Variants in NECAP2 observed in about 807,000 individuals in gnomAD.
NECAP2 encodes adaptin ear-binding coat-associated protein 2.
A neutral mutation model predicts 37.8 loss-of-function variants in NECAP2; 38 were observed. The ratio of observed to expected loss-of-function variants is 1.01; its 90% CI spans 0.78 to 1.32. The LOEUF is 1.32. Ranked by LOEUF, NECAP2 falls within the 40% of genes most tolerant of loss-of-function variation. The pLI, the probability that NECAP2 is intolerant of heterozygous loss-of-function variation, is 0.00. For missense variants in NECAP2, 316 were observed against 334.5 expected (o/e 0.94, Z 0.43); for synonymous variants, 121 against 127.7 (o/e 0.95, Z 0.35).
intron 6 of NECAP2, among the ~76,000 whole-genome samples, chr1:16,455,211 G>A (rs1246788132): frequency 6.6e-6 from 1 of 152,214 alleles, no homozygotes; most frequent in Non-Finnish European, 1.5e-5. Flanking sequence ...GGAGGTGCCT[G>A]AAAAGCACAA....
intron 2 of NECAP2, 92 bp downstream of exon 2, chr1:16,443,824 C>T (rs139135145): frequency 1.1e-6 from 1 of 925,130 alleles, no homozygotes; most frequent in Non-Finnish European, 1.7e-6. Flanking sequence ...GCTCAGGGGT[C>T]ATGGGAACCT....
chr1:16,450,344 T>G, intron 5 of NECAP2: 1 of 331,108 alleles, frequency 3.0e-6, no homozygotes, highest in East Asian at 8.4e-5. Flanking sequence ...CTTTCCTCCA[T>G]GAGATGAGGA....
chr1:16,450,743 T>C (rs1272930715), intron 5 of NECAP2: 3 of 151,642 alleles, frequency 2.0e-5, no homozygotes, highest in African/African-American at 7.3e-5. Context: ...AGGTCGGGAG[T>C]CCGAGACCAG....
In NECAP2 at chr1:16,451,988, G is replaced by T; in HGVS notation, c.640G>T (p.Val214Phe). The T allele has an allele frequency of 6.2e-7, 1 of 1,602,856 alleles. No homozygotes were observed. Among genetic ancestry groups the T allele is most frequent in the Non-Finnish European group, 8.5e-7 (1 of 1,174,200 alleles). ...GEQLAVGGSL[V>F]QPAVAPSSGG... is the part of the protein sequence containing the mutation. ...GCAGTTGGCTGTGGGGGGATCCCTC[G>T]TCCAGCCAGCAGTTGCTCCCAGTTC... is the stretch of plus-strand genomic sequence containing the variant. The change falls in exon 6 of 8, where the codon GTC becomes TTC. Residue 214 changes from valine (V) to phenylalanine (F), a missense_variant. Physicochemically the swap from Val to Phe is conservative, Grantham distance 50. Transcript: ENST00000337132.
chr1:16,441,760 C>G (rs932786235), intron 1 of NECAP2: 1 of 152,140 alleles, frequency 6.6e-6, no homozygotes, highest in Non-Finnish European at 1.5e-5. Flanking sequence ...AATGATGGAA[C>G]GTCCACATTT....
At chr1:16,444,317 C>T (rs2086730705) in intron 2 of NECAP2, among the ~76,000 whole-genome samples, 3 of 152,196 alleles carry the variant, frequency 2.0e-5, no homozygotes, top group Admixed American at 2.0e-4. Context: ...ACCTGGAATC[C>T]CCCAGCCGAG....
Position 16,454,247 on chromosome 1 carries a change from C to T in NECAP2, c.668-1571C>T, listed in dbSNP as rs537412295. Among the ~76,000 whole-genome samples the T allele has an allele frequency of 6.7e-5, 10 of 150,110 alleles. No homozygotes were observed. In the East Asian group the frequency reaches 9.9e-4, roughly 15 times the overall value. ...GCTAATTTTGTATTTTTAGTGGAGA[C>T]GGGGTTTCTCCATGTTGGTCAGGCT... On this transcript the variant is annotated intron_variant, in intron 6 of 7. Coordinates refer to ENST00000337132, the MANE Select transcript of NECAP2 (RefSeq NM_018090.5).
chr1:16,445,132 C>CT (rs898356820), intron 2 of NECAP2, among the ~76,000 whole-genome samples: 7 of 152,188 alleles, frequency 4.6e-5, no homozygotes, highest in Non-Finnish European at 7.3e-5. Flanking sequence ...CCAGCTGTGA[C>CT]TTTAACATGA....
At position 16,443,625 on chromosome 1, in the gene NECAP2, C is replaced by T. The variant is rs951848961; in HGVS notation, c.93-7C>T. 1.1e-5 allele frequency: 17 copies of T among 1,606,060 alleles called. No homozygotes were observed. The highest frequency in any genetic ancestry group is 2.7e-5 in the African/African-American group (2 of 74,864). On this transcript the variant is annotated splice_polypyrimidine_tract_variant and splice_region_variant and intron_variant, in intron 1 of 7. Transcript: ENST00000337132. ...TGGCAGAGATTCAGTGGTGTTTGTC[C>T]CCTTAGGGCTGCGGAGTGGCAGCTG...
At chr1:16,446,716 G>A (rs918186293) in intron 2 of NECAP2, among the ~76,000 whole-genome samples, 1 of 151,872 alleles carries the variant, frequency 6.6e-6, no homozygotes, top group Non-Finnish European at 1.5e-5. Flanking sequence ...GCTTATTTTT[G>A]GATTTTTTGT....
intron 6 of NECAP2, among the ~76,000 whole-genome samples, chr1:16,452,899 T>C (rs1435041881): frequency 3.3e-5 from 5 of 151,938 alleles, no homozygotes; most frequent in Admixed American, 3.3e-4. Context: ...CCTGCTTTAC[T>C]GATTCCTAAG....
intron 6 of NECAP2, 68 bp downstream of exon 6, chr1:16,452,083 C>T: frequency 1.4e-6 from 2 of 1,443,194 alleles, no homozygotes; most frequent in South Asian, 1.4e-5. Flanking sequence ...CAGCCAGGCC[C>T]CATGGTTTCC....
chr1:16,452,465 G>A (rs2086859651), intron 6 of NECAP2, among the ~76,000 whole-genome samples: 1 of 152,166 alleles, frequency 6.6e-6, no homozygotes, highest in African/African-American at 2.4e-5. Context: ...GGACCTTGAA[G>A]GAAGGAGATA....
intron 2 of NECAP2, among the ~76,000 whole-genome samples, chr1:16,444,850 T>G (rs2086736727): frequency 6.6e-6 from 1 of 152,108 alleles, no homozygotes; most frequent in East Asian, 1.9e-4. Context: ...TTAGATGGAG[T>G]CTTGCTCTGT....
intron 2 of NECAP2, among the ~76,000 whole-genome samples, chr1:16,446,573 T>A (rs958147359): frequency 3.3e-5 from 5 of 151,920 alleles, no homozygotes; most frequent in Non-Finnish European, 5.9e-5. Flanking sequence ...TTCTTTTTTT[T>A]TTTTCTTGTC....
Position 16,440,739 on chromosome 1 carries a change from T to G in NECAP2, c.-23T>G, listed in dbSNP as rs2086676247. Reference sequence around the variant, plus strand: ...GAGGAACGGTGGAAGTCGCCGGAAGTTCGGTGGGCTCCAGGCGTCGCGATG... The same window carrying G: ...GAGGAACGGTGGAAGTCGCCGGAAGGTCGGTGGGCTCCAGGCGTCGCGATG... On this transcript the variant is annotated 5_prime_UTR_variant, in exon 1 of 8. Transcript: ENST00000337132. The G allele has an allele frequency of 1.2e-6, 2 of 1,607,992 alleles. No individual in the cohort carries two copies. Among genetic ancestry groups the G allele is most frequent in the South Asian group, 1.1e-5 (1 of 90,940 alleles).
chr1:16,445,730 C>A (rs1302462547), intron 2 of NECAP2, among the ~76,000 whole-genome samples: 1 of 152,108 alleles, frequency 6.6e-6, no homozygotes, highest in Non-Finnish European at 1.5e-5. Context: ...ATGGCAAAAC[C>A]CTGTCTCTAA....
At chr1:16,450,021 G>GT in intron 5 of NECAP2, 1 of 350,478 alleles carries the variant, frequency 2.9e-6, no homozygotes, top group South Asian at 2.2e-5. Context: ...AGATGGATTT[G>GT]TTTTTTCAAG....
Position 16,441,844 on chromosome 1 carries a change from A to G in NECAP2, c.92+991A>G, listed in dbSNP as rs558974551. Among the ~76,000 whole-genome samples, 5 of 152,344 alleles carry G rather than the reference A, an allele frequency of 3.3e-5. No homozygotes were observed. The South Asian group carries it at 1.0e-3, about 32-fold the overall frequency. ...ATGGTGAAAAGATGCGTTAGTGAACATTACATTCATGACATATTTTAAAAT... is the reference window on the plus strand; with the variant it reads ...ATGGTGAAAAGATGCGTTAGTGAACGTTACATTCATGACATATTTTAAAAT... On this transcript the variant is annotated intron_variant, in intron 1 of 7. Coordinates refer to ENST00000337132, the MANE Select transcript of NECAP2 (RefSeq NM_018090.5).
Sources: allele counts gnomAD v4.1 joint callset (sites outside exome capture counted in the v4.1 genomes callset), GRCh38; gene constraint gnomAD v4.1.1; transcripts MANE v1.5; gene names NCBI Gene and HGNC (gene_info 2026-07-23, HGNC 2026-07-21).